The following CAPS2 variants were observed in gnomAD, a reference collection of about 807,000 sequenced individuals.
CAPS2 encodes the protein calcyphosine 2, also known as calcyphosin-2.
CAPS2 carries 98 observed loss-of-function variants against 86.5 expected under a neutral mutation model. The ratio of observed to expected loss-of-function variants is 1.13; its 90% CI spans 0.96 to 1.34. The LOEUF is 1.34. Among genes scored for constraint, CAPS2 ranks in the 40% most tolerant of loss-of-function variants. The pLI, the probability that CAPS2 is intolerant of heterozygous loss-of-function variation, is 0.00. For missense variants in CAPS2, 729 were observed against 686.8 expected, an observed-to-expected ratio of 1.06 and a Z score of -0.69; for synonymous variants, 210 against 225.1, an observed-to-expected ratio of 0.93 and a Z score of 0.60.
In CAPS2 at chr12:75,382,697, C is replaced by A. The variant is rs1016435267; in HGVS notation, c.-395+8141G>T. ...ATTTCAAGTGCAGTGTACAAGTGTA[C>A]AGAAACTGAGAACTTAAGGAAACTC... On this transcript the variant is annotated intron_variant, in intron 1 of 5. Coordinates refer to the CAPS2 transcript ENST00000551829. Among the ~76,000 whole-genome samples, 3 of 151,606 alleles carry A rather than the reference C, an allele frequency of 2.0e-5. No homozygotes were observed. The South Asian group carries it at 6.2e-4, about 32-fold the overall frequency.
At chr12:75,390,211 G>A in intron 1 of CAPS2, 4 of 403,478 alleles carry the variant, frequency 9.9e-6, no homozygotes, top group South Asian at 7.1e-5. Flanking sequence ...GTTTTGTTTT[G>A]TTTTGTTTTT....
intron 12 of CAPS2, 71 bp downstream of exon 12, chr12:75,293,178 T>C (rs560359420): frequency 5.4e-6 from 5 of 918,558 alleles, no homozygotes; most frequent in Non-Finnish European, 7.0e-6. Flanking sequence ...TATAGTAGAA[T>C]GTCATTTTAA....
intron 1 of CAPS2, among the ~76,000 whole-genome samples, chr12:75,354,168 G>GC (rs1459392990): frequency 4.9e-5 from 3 of 61,222 alleles, no homozygotes; most frequent in African/African-American, 1.2e-4. Context: ...GAAAAAAAAG[G>GC]GGGGGGGGTA....
intron 1 of CAPS2, chr12:75,370,071 T>C: frequency 6.4e-7 from 1 of 1,553,684 alleles, no homozygotes; most frequent in Non-Finnish European, 8.8e-7. Flanking sequence ...TGGTTTTGTT[T>C]TTGTTTTTGA....
chr12:75,287,146 A>G (rs2035024802), intron 14 of CAPS2, among the ~76,000 whole-genome samples: 1 of 151,490 alleles, frequency 6.6e-6, no homozygotes, highest in Non-Finnish European at 1.5e-5. Flanking sequence ...GGACCAGTTC[A>G]TAATTCCCAT....
chr12:75,294,828 A>C (rs941576838), intron 11 of CAPS2, among the ~76,000 whole-genome samples: 1 of 152,222 alleles, frequency 6.6e-6, no homozygotes, highest in Non-Finnish European at 1.5e-5. Context: ...CCTGTAACAA[A>C]AGGCAAGTTT....
intron 7 of CAPS2, among the ~76,000 whole-genome samples, chr12:75,311,701 AAAAAAAAAAACAAAAAAAAAAAC>A (rs1432124216): frequency 0.019 from 265 of 14,058 alleles, 4 homozygotes; most frequent in East Asian, 0.063. Flanking sequence ...GCCATGCAGG[AAAAAAAAAAACAAAAAAAAAAAC>A]AAAAAAAAAA....
intron 5 of CAPS2, among the ~76,000 whole-genome samples, chr12:75,318,754 T>A (rs769262724): frequency 6.6e-5 from 10 of 151,942 alleles, no homozygotes; most frequent in Non-Finnish European, 1.0e-4. Context: ...TGATTAATCA[T>A]TCCATTGATT....
intron 13 of CAPS2, among the ~76,000 whole-genome samples, chr12:75,290,162 C>T (rs928584945): frequency 7.9e-5 from 12 of 152,142 alleles, no homozygotes; most frequent in Admixed American, 7.2e-4. Flanking sequence ...TAGTTTTTAT[C>T]AACTGAATTA....
intron 1 of CAPS2, among the ~76,000 whole-genome samples, chr12:75,336,205 T>C (rs2041726892): frequency 6.6e-6 from 1 of 151,846 alleles, no homozygotes; most frequent in Non-Finnish European, 1.5e-5. Flanking sequence ...CCATTAAAAA[T>C]ATACAAAGAA....
intron 1 of CAPS2, among the ~76,000 whole-genome samples, chr12:75,383,565 T>C (rs772903898): frequency 1.6e-4 from 24 of 152,088 alleles, no homozygotes; most frequent in Non-Finnish European, 2.9e-4. Context: ...CAAGAAGAAA[T>C]AGACGAATCT....
At chr12:75,387,213 T>A (rs550691438) in intron 1 of CAPS2, among the ~76,000 whole-genome samples, 2 of 152,074 alleles carry the variant, frequency 1.3e-5, no homozygotes, top group East Asian at 1.9e-4. Flanking sequence ...AACTCAACAA[T>A]CGAAAAACAA....
rs73364071 is a variant in CAPS2 at position 75,335,371 on chromosome 12, T to C, written c.-394-12149A>G. Among the ~76,000 whole-genome samples, 577 of 152,248 alleles carry C rather than the reference T, an allele frequency of 3.8e-3. 8 individuals are homozygous for C. Among genetic ancestry groups the C allele is most frequent in the African/African-American group, 0.013 (555 of 41,554 alleles). On this transcript the variant is annotated intron_variant, in intron 1 of 5. Coordinates refer to the CAPS2 transcript ENST00000551829. ...CATGTGTAGTATTATTTGAAAAAAA[T>C]ACAGTACTCTATTGAAGAATAAGCA...
chr12:75,382,571 C>T (rs926438445), intron 1 of CAPS2, among the ~76,000 whole-genome samples: 1 of 151,536 alleles, frequency 6.6e-6, no homozygotes, highest in African/African-American at 2.4e-5. Flanking sequence ...ACCCAAGAAG[C>T]GGAGGTTGCT....
At chr12:75,350,438 C>T (rs1304845723) in intron 1 of CAPS2, among the ~76,000 whole-genome samples, 2 of 152,192 alleles carry the variant, frequency 1.3e-5, no homozygotes, top group African/African-American at 2.4e-5. Context: ...CATACAGGAG[C>T]ATTCTGGCGG....
chr12:75,369,164 T>C (rs1477476493), intron 1 of CAPS2, among the ~76,000 whole-genome samples: 1 of 151,970 alleles, frequency 6.6e-6, no homozygotes, highest in Admixed American at 6.6e-5. Flanking sequence ...TTAAATATGA[T>C]TAAATACACA....
chr12:75,377,848 T>C (rs2044735348), intron 1 of CAPS2, among the ~76,000 whole-genome samples: 1 of 42,032 alleles, frequency 2.4e-5, no homozygotes, highest in African/African-American at 7.9e-5. Flanking sequence ...CAGATATATA[T>C]ATATATATAT....
intron 1 of CAPS2, among the ~76,000 whole-genome samples, chr12:75,375,211 A>C (rs1477312467): frequency 3.3e-5 from 5 of 152,162 alleles, no homozygotes; most frequent in Non-Finnish European, 7.3e-5. Context: ...GCATTCTGGC[A>C]CTGGGAAAAT....
chr12:75,333,638 A>C (rs2041499434), upstream of CAPS2, among the ~76,000 whole-genome samples: 1 of 152,162 alleles, frequency 6.6e-6, no homozygotes, highest in Admixed American at 6.5e-5. Context: ...GTTTTCTTAT[A>C]ATCTAATTTT....
Sources: gnomAD v4.1 joint callset for allele counts (sites outside exome capture counted in the v4.1 genomes callset) on GRCh38, gnomAD v4.1.1 for gene constraint, MANE v1.5 for transcripts, NCBI Gene and HGNC (gene_info 2026-07-23, HGNC 2026-07-21) for gene names.